The following ANO5 variants were observed in gnomAD, a reference collection of about 807,000 sequenced individuals.
The protein encoded by ANO5 is anoctamin-5.
A neutral mutation model predicts 121.0 loss-of-function variants in ANO5; 109 were observed. That is an observed-to-expected ratio of 0.90 (90% CI 0.77 to 1.06). ANO5 has a LOEUF of 1.06. Ranked by LOEUF, ANO5 falls within the 50% of genes least tolerant of loss-of-function variation. ANO5 has a pLI of 0.00. For synonymous variants in ANO5, 406 were observed against 359.9 expected (o/e 1.13, Z -1.45); for missense variants, 1,064 against 1,078.5 (o/e 0.99, Z 0.19).
At chr11:22,207,142 G>A (rs1590219312) in intron 2 of ANO5, among the ~76,000 whole-genome samples, 1 of 151,854 alleles carries the variant, frequency 6.6e-6, no homozygotes, top group African/African-American at 2.4e-5. Context: ...ACCCAAATTG[G>A]TATATAAGTT....
At chr11:22,221,342 G>A in intron 5 of ANO5, 132 bp downstream of exon 5, 2 of 774,314 alleles carry the variant, frequency 2.6e-6, no homozygotes, top group Non-Finnish European at 4.3e-6. Flanking sequence ...AACTGAATGA[G>A]ATAACTGTAA....
In ANO5 at chr11:22,227,430, T is replaced by C; in HGVS notation, c.492T>C (p.Thr164=). The change falls in exon 7 of 22, where the codon ACT becomes ACC. Residue 164 remains threonine, a synonymous_variant. Transcript: ENST00000324559. ...KESDIPRPKH[T]PISYVLGPVR... ...GTGATATTCCCCGCCCTAAGCACAC[T>C]CCTATAAGCTATGTGCTTGGACCTG... 3 of 1,613,588 alleles carry C rather than the reference T, an allele frequency of 1.9e-6. No homozygotes were observed. The South Asian group carries it at 3.3e-5, about 18-fold the overall frequency.
rs376201886 is a variant in ANO5, at chr11:22,221,217, G to C, written c.294+7G>C. The C allele has an allele frequency of 6.3e-7, 1 of 1,575,794 alleles. No individual in the cohort carries two copies. The highest frequency in any genetic ancestry group is 1.4e-5 in the African/African-American group (1 of 74,034). ...AGACGCAGAGTTAAAGGCGGTAAGT[G>C]CATTATAACAGAAGTGGGAATAATA... is the stretch of plus-strand genomic sequence containing the variant. On this transcript the variant is annotated splice_region_variant and intron_variant, in intron 5 of 21. Coordinates refer to ENST00000324559, the MANE Select transcript of ANO5 (RefSeq NM_213599.3).
intron 20 of ANO5, among the ~76,000 whole-genome samples, chr11:22,275,327 C>T (rs537951309): frequency 6.6e-6 from 1 of 151,950 alleles, no homozygotes; most frequent in Admixed American, 6.6e-5. Flanking sequence ...CACACACACA[C>T]ACACGCTTAT....
At chr11:22,229,834 T>A (rs1252947821) in intron 7 of ANO5, among the ~76,000 whole-genome samples, 1 of 151,982 alleles carries the variant, frequency 6.6e-6, no homozygotes, top group African/African-American at 2.4e-5. Flanking sequence ...GTTCTTGCTT[T>A]ATTGAGGAAG....
intron 1 of ANO5, among the ~76,000 whole-genome samples, chr11:22,196,324 G>A (rs1425110754): frequency 6.6e-6 from 1 of 152,000 alleles, no homozygotes; most frequent in Non-Finnish European, 1.5e-5. Flanking sequence ...TGTAACTGTT[G>A]CACTCCCATG....
chr11:22,277,742 T>G (rs1431076274), intron 21 of ANO5: 1 of 151,556 alleles, frequency 6.6e-6, no homozygotes, highest in Non-Finnish European at 1.5e-5. Context: ...TTCTTTTGTT[T>G]TAATTTATTT....
At chr11:22,232,072 C>T (rs187510891) in intron 7 of ANO5, among the ~76,000 whole-genome samples, 3 of 151,988 alleles carry the variant, frequency 2.0e-5, no homozygotes, top group Non-Finnish European at 2.9e-5. Context: ...TAACTTCTTA[C>T]AGCAGAGATT....
chr11:22,280,779 A>G lies in ANO5; in HGVS notation c.*1014A>G, dbSNP rs1176118062. On this transcript the variant is annotated 3_prime_UTR_variant, in exon 22 of 22. Transcript: ENST00000324559. The stretch of plus-strand genomic sequence containing the variant: ...TTACAACCTTTTCTATTGATGTATC[A>G]TCTTATACAATGCTCAGTGCCTTGT... The G allele has an allele frequency of 6.6e-6, 1 of 151,988 alleles. No homozygotes were observed. The highest frequency in any genetic ancestry group is 2.1e-4 in the South Asian group (1 of 4,828). The allele number at this position is 151,988 out of a possible 1,614,324, so 9.4% of individuals were successfully genotyped here.
At position 22,227,502 on chromosome 11, in the gene ANO5, T is replaced by C. The variant is rs1209226788; in HGVS notation, c.564T>C (p.Thr188=). 6.2e-7 allele frequency: 1 copy of C among 1,613,640 alleles called. No individual in the cohort carries two copies. Among genetic ancestry groups the C allele is most frequent in the South Asian group, 1.1e-5 (1 of 91,088 alleles). Residue 188 remains threonine, a synonymous_variant, in exon 7 of 22, where the codon ACT becomes ACC. Transcript: ENST00000324559. ...SVKYPHPEYF[T]AQFSRHRQEL... is the part of the protein sequence containing the mutation. ...AGTATCCCCATCCTGAATATTTTAC[T>C]GCACAATTCAGCAGACATCGGCAGG...
chr11:22,264,024 C>CTT (rs71034583), intron 17 of ANO5, among the ~76,000 whole-genome samples: 16,118 of 128,024 alleles, frequency 0.13, 1,501 homozygotes, highest in African/African-American at 0.21. Flanking sequence ...ATAGCCAAAC[C>CTT]TTTTTTTTTT....
chr11:22,230,031 A>G (rs1852986121), intron 7 of ANO5, among the ~76,000 whole-genome samples: 1 of 152,008 alleles, frequency 6.6e-6, no homozygotes, highest in Non-Finnish European at 1.5e-5. Context: ...TAAATAATAT[A>G]TAACCCATAT....
rs116738367 is a variant in ANO5, at chr11:22,218,020, T to G, written c.139-226T>G. On this transcript the variant is annotated intron_variant, in intron 3 of 21. Transcript: ENST00000324559. ...ACTATTTAAAGAATTTAGGAAAATT[T>G]ACTTGAGTCTCCTTATTTTCTTTAC... Among the ~76,000 whole-genome samples the G allele has an allele frequency of 0.034, 5,134 of 151,998 alleles. 271 individuals are homozygous for G. Among genetic ancestry groups the G allele is most frequent in the African/African-American group, 0.12 (4,825 of 41,418 alleles).
In ANO5 at chr11:22,279,797, CCTTA is replaced by C. The variant is rs1345793899; in HGVS notation, c.*36_*39del. The stretch of plus-strand genomic sequence containing the variant: ...TAGTGAGGAAGCAGCAGGTGATCTG[CCTTA>C]CTTCACTTTATCCTCTGGTTTTAGG... On this transcript the variant is annotated 3_prime_UTR_variant, in exon 22 of 22. Transcript: ENST00000324559. 8 of 1,565,616 alleles carry C rather than the reference CCTTA, an allele frequency of 5.1e-6. No homozygotes were observed. Among genetic ancestry groups the C allele is most frequent in the Non-Finnish European group, 7.0e-6 (8 of 1,139,252 alleles).
intron 8 of ANO5, among the ~76,000 whole-genome samples, chr11:22,237,717 T>A (rs371030394): frequency 2.6e-5 from 4 of 152,144 alleles, no homozygotes; most frequent in African/African-American, 9.7e-5. Context: ...TTTTCCAAAA[T>A]GAGTCGCCAT....
intron 8 of ANO5, among the ~76,000 whole-genome samples, chr11:22,238,528 G>A (rs879808112): frequency 2.0e-5 from 3 of 151,906 alleles, no homozygotes; most frequent in Non-Finnish European, 4.4e-5. Flanking sequence ...TCTGAATGCA[G>A]TGTTAGGCAC....
At chr11:22,223,838 A>C (rs541672862) in intron 5 of ANO5, among the ~76,000 whole-genome samples, 1 of 151,602 alleles carries the variant, frequency 6.6e-6, no homozygotes, top group Non-Finnish European at 1.5e-5. Context: ...ATGAATAAAA[A>C]CCCTCTTTTT....
chr11:22,222,023 G>A (rs759671481), intron 5 of ANO5, among the ~76,000 whole-genome samples: 23 of 151,868 alleles, frequency 1.5e-4, no homozygotes, highest in Non-Finnish European at 2.1e-4. Context: ...TCTCTTCTCC[G>A]AACATTCCCT....
rs770744491 is a variant in ANO5 at position 22,262,374 on chromosome 11, G to C, written c.1800+76G>C. 5.0e-5 allele frequency: 75 copies of C among 1,494,808 alleles called. 1 individual carries two copies. In the Middle Eastern group the frequency reaches 1.1e-3, roughly 23 times the overall value. The allele number at this position is 1,494,808 out of a possible 1,614,324, so 92.6% of individuals were successfully genotyped here. On this transcript the variant is annotated intron_variant, in intron 16 of 21. Transcript: ENST00000324559. Reference sequence around the variant, plus strand: ...AACAACTTTCTGTGTGTCAAGCACTGATTCACATGCTAAAAAATTACAAAA... The same window carrying C: ...AACAACTTTCTGTGTGTCAAGCACTCATTCACATGCTAAAAAATTACAAAA...
Sources: allele counts gnomAD v4.1 joint callset (sites outside exome capture counted in the v4.1 genomes callset), GRCh38; gene constraint gnomAD v4.1.1; transcripts MANE v1.5; gene names NCBI Gene and HGNC (gene_info 2026-07-23, HGNC 2026-07-21).